The following TMPRSS11D variants were observed in gnomAD, a reference collection of about 807,000 sequenced individuals.
The protein encoded by TMPRSS11D is transmembrane protease serine 11D.
A neutral mutation model predicts 44.4 loss-of-function variants in TMPRSS11D; 32 were observed. The ratio of observed to expected loss-of-function variants is 0.72; its 90% CI spans 0.54 to 0.97. The LOEUF (loss-of-function observed/expected upper bound fraction) is 0.97, where lower values mean the gene tolerates loss of function less well. Among genes scored for constraint, TMPRSS11D ranks in the 50% least tolerant of loss-of-function variants. TMPRSS11D has a pLI of 0.00. For synonymous variants in TMPRSS11D, 179 were observed against 177.9 expected (o/e 1.01, Z -0.05); for missense variants, 446 against 502.6 (o/e 0.89, Z 1.08).
chr4:67,868,810 C>T (rs895266283), intron 1 of TMPRSS11D, among the ~76,000 whole-genome samples: 15 of 151,954 alleles, frequency 9.9e-5, no homozygotes, highest in African/African-American at 2.9e-4. Flanking sequence ...CTGCAAGAGG[C>T]GGGAGTTATG....
chr4:67,830,566 T>C (rs1273489534), intron 7 of TMPRSS11D, among the ~76,000 whole-genome samples: 1 of 152,088 alleles, frequency 6.6e-6, no homozygotes, highest in African/African-American at 2.4e-5. Context: ...AGAGTGAACC[T>C]GAGTTAAAAA....
chr4:67,834,243 T>C lies in TMPRSS11D; in HGVS notation c.514+840A>G, dbSNP rs186735233. Among the ~76,000 whole-genome samples the C allele has an allele frequency of 2.6e-5, 4 of 151,396 alleles. No homozygotes were observed. In the East Asian group the frequency reaches 7.7e-4, roughly 29 times the overall value. On this transcript the variant is annotated intron_variant, in intron 6 of 9. Coordinates refer to ENST00000283916, the MANE Select transcript of TMPRSS11D (RefSeq NM_004262.3). ...GCTTTTAAGTAGTGCCCTGGTTTAA[T>C]AGCACAACCACCTAAAGGCTTTTTT...
At chr4:67,862,204 A>G (rs1193782435) in intron 1 of TMPRSS11D, among the ~76,000 whole-genome samples, 1 of 152,106 alleles carries the variant, frequency 6.6e-6, no homozygotes, top group African/African-American at 2.4e-5. Flanking sequence ...TCTGCCAGGC[A>G]TTGTACAAGT....
chr4:67,848,453 C>T (rs369162498), intron 3 of TMPRSS11D, among the ~76,000 whole-genome samples: 7 of 152,210 alleles, frequency 4.6e-5, no homozygotes, highest in South Asian at 2.1e-4. Context: ...TGGAATACAA[C>T]GATGGATAGA....
intron 1 of TMPRSS11D, among the ~76,000 whole-genome samples, chr4:67,868,126 T>C (rs890592895): frequency 6.8e-6 from 1 of 146,778 alleles, no homozygotes; most frequent in African/African-American, 2.7e-5. Context: ...TACTCAACCA[T>C]AAAAGGAATA....
chr4:67,875,119 A>T (rs967689951), intron 1 of TMPRSS11D, among the ~76,000 whole-genome samples: 1 of 152,178 alleles, frequency 6.6e-6, no homozygotes, highest in African/African-American at 2.4e-5. Context: ...TTATTTTCCC[A>T]GGAGGATTTT....
At chr4:67,876,324 A>G (rs896675781) in intron 1 of TMPRSS11D, among the ~76,000 whole-genome samples, 1 of 152,176 alleles carries the variant, frequency 6.6e-6, no homozygotes, top group African/African-American at 2.4e-5. Flanking sequence ...AAGTACTTAG[A>G]TTCTGTTGTA....
chr4:67,832,819 G>A (rs1292980925), intron 7 of TMPRSS11D, among the ~76,000 whole-genome samples: 4 of 151,702 alleles, frequency 2.6e-5, no homozygotes, highest in South Asian at 2.1e-4. Flanking sequence ...AACATTTAAC[G>A]TATGTTTACA....
chr4:67,828,577 A>G (rs1312873152), intron 7 of TMPRSS11D, among the ~76,000 whole-genome samples: 1 of 152,156 alleles, frequency 6.6e-6, no homozygotes, highest in South Asian at 2.1e-4. Flanking sequence ...CTGAAAAACT[A>G]AAGTTGAGCA....
intron 3 of TMPRSS11D, among the ~76,000 whole-genome samples, chr4:67,844,858 A>G (rs1235573179): frequency 6.6e-6 from 1 of 152,190 alleles, no homozygotes; most frequent in African/African-American, 2.4e-5. Context: ...GTAATTCGAT[A>G]AAGTAACTTC....
At chr4:67,837,409 C>G (rs1718118493) in intron 5 of TMPRSS11D, among the ~76,000 whole-genome samples, 1 of 152,086 alleles carries the variant, frequency 6.6e-6, no homozygotes, top group Non-Finnish European at 1.5e-5. Context: ...GGGCCTGATG[C>G]AGTAATTGTT....
At chr4:67,878,355 C>T (rs1372192999) in intron 1 of TMPRSS11D, among the ~76,000 whole-genome samples, 2 of 152,158 alleles carry the variant, frequency 1.3e-5, no homozygotes, top group Non-Finnish European at 2.9e-5. Flanking sequence ...TCAGTAAAGA[C>T]TACCTTTTGC....
intron 3 of TMPRSS11D, among the ~76,000 whole-genome samples, chr4:67,853,564 G>A (rs572091855): frequency 6.6e-6 from 1 of 152,166 alleles, no homozygotes; most frequent in Non-Finnish European, 1.5e-5. Context: ...TTCCTGGCAG[G>A]CACCCAGAGG....
chr4:67,849,815 G>C (rs1396238008), intron 3 of TMPRSS11D, among the ~76,000 whole-genome samples: 1 of 152,156 alleles, frequency 6.6e-6, no homozygotes, highest in Non-Finnish European at 1.5e-5. Flanking sequence ...GAAATGGTAT[G>C]ATCCTTAGAT....
At chr4:67,869,954 C>G (rs970065633) in intron 1 of TMPRSS11D, among the ~76,000 whole-genome samples, 5 of 152,068 alleles carry the variant, frequency 3.3e-5, no homozygotes, top group African/African-American at 1.2e-4. Context: ...CTTTTTTTAG[C>G]AAACACCCTC....
chr4:67,872,708 G>A (rs918868003), intron 1 of TMPRSS11D, among the ~76,000 whole-genome samples: 14 of 152,116 alleles, frequency 9.2e-5, no homozygotes, highest in African/African-American at 3.4e-4. Context: ...TTGACAATGA[G>A]GGTGGACTTA....
chr4:67,849,412 G>A (rs550141783), intron 3 of TMPRSS11D, among the ~76,000 whole-genome samples: 25 of 152,236 alleles, frequency 1.6e-4, no homozygotes, highest in African/African-American at 5.8e-4. Context: ...ATGTATGTAT[G>A]GGATCATCTA....
intron 1 of TMPRSS11D, among the ~76,000 whole-genome samples, chr4:67,876,952 CT>C (rs1282992398): frequency 6.6e-6 from 1 of 152,062 alleles, no homozygotes; most frequent in Non-Finnish European, 1.5e-5. Flanking sequence ...TTGAAACACT[CT>C]TTTTCTTTTG....
chr4:67,820,934 G>A lies in TMPRSS11D; in HGVS notation c.*1403C>T, dbSNP rs1010860701. On this transcript the variant is annotated 3_prime_UTR_variant, in exon 10 of 10. Coordinates refer to ENST00000283916, the MANE Select transcript of TMPRSS11D (RefSeq NM_004262.3). ...TAGCAAAGATTTGTTTGTACAGTTC[G>A]CCAAGAGTTGGTTGCATTTTCAACT... The A allele has an allele frequency of 1.1e-4, 16 of 152,174 alleles. No individual in the cohort carries two copies. Among genetic ancestry groups the A allele is most frequent in the Admixed American group, 8.5e-4 (13 of 15,284 alleles). The allele number at this position is 152,174 out of a possible 1,614,324, so 9.4% of individuals were successfully genotyped here. A position where few individuals can be genotyped will look rare whatever the true frequency, so the allele number is the denominator to read the frequency against.
Sources: gnomAD v4.1 joint callset for allele counts (sites outside exome capture counted in the v4.1 genomes callset) on GRCh38, gnomAD v4.1.1 for gene constraint, MANE v1.5 for transcripts, NCBI Gene and HGNC (gene_info 2026-07-23, HGNC 2026-07-21) for gene names.